Variants in INPP5D observed in about 807,000 individuals in gnomAD.
INPP5D encodes the protein phosphatidylinositol 3,4,5-trisphosphate 5-phosphatase 1.
A neutral mutation model predicts 122.9 loss-of-function variants in INPP5D; 33 were observed. That is an observed-to-expected ratio of 0.27 (90% CI 0.20 to 0.36). The LOEUF (loss-of-function observed/expected upper bound fraction) is 0.36. INPP5D is among the 10% of genes least tolerant of loss of function. INPP5D has a pLI of 1.00. For missense variants in INPP5D, 1,053 were observed against 1,412.7 expected, an observed-to-expected ratio of 0.75 and a Z score of 4.08; for synonymous variants, 584 against 576.2, an observed-to-expected ratio of 1.01 and a Z score of -0.19.
In INPP5D at chr2:233,160,142, GA is replaced by G. The variant is rs1694164752; in HGVS notation, c.1138-1581del. ...CCAACTCGAGGCAGGTTATAGTAAAGATGGTCATTATGACATCTTTGTGAGC... is the reference window on the plus strand; with the variant it reads ...CCAACTCGAGGCAGGTTATAGTAAAGTGGTCATTATGACATCTTTGTGAGC... On this transcript the variant is annotated intron_variant, in intron 10 of 26. Coordinates refer to ENST00000445964, the MANE Select transcript of INPP5D (RefSeq NM_001017915.3). This position sits in a 1 kb window ranked among gnomAD's most constrained non-coding sequence, Gnocchi z 4.2. Among the ~76,000 whole-genome samples the G allele has an allele frequency of 1.3e-5, 2 of 152,216 alleles. No homozygotes were observed. Among genetic ancestry groups the G allele is most frequent in the Admixed American group, 6.5e-5 (1 of 15,282 alleles).
rs1691720957 is a variant in INPP5D, at chr2:233,082,675, A to T, written c.198+3277A>T. On this transcript the variant is annotated intron_variant, in intron 2 of 26. Transcript: ENST00000445964. This position sits in a 1 kb window ranked among gnomAD's most constrained non-coding sequence, Gnocchi z 4.7. ...CATAGCCCATGACAGCCCTGTATCA[A>T]TCAGGGAGAGGAGCTGCCTCACCTG... is the stretch of plus-strand genomic sequence containing the variant. Among the ~76,000 whole-genome samples the T allele has an allele frequency of 6.6e-6, 1 of 152,160 alleles. No individual in the cohort carries two copies. Among genetic ancestry groups the T allele is most frequent in the East Asian group, 1.9e-4 (1 of 5,200 alleles).
At chr2:233,111,867 C>T (rs1292851334) in intron 2 of INPP5D, among the ~76,000 whole-genome samples, 1 of 152,032 alleles carries the variant, frequency 6.6e-6, no homozygotes, top group African/African-American at 2.4e-5. Flanking sequence ...TTTAGACCAG[C>T]CTGGGCAACA....
intron 2 of INPP5D, among the ~76,000 whole-genome samples, chr2:233,099,890 G>A (rs1281020031): frequency 6.6e-6 from 1 of 152,162 alleles, no homozygotes; most frequent in East Asian, 1.9e-4. Flanking sequence ...CCACGTGGCT[G>A]GGGAGGCCTT....
intron 1 of INPP5D, among the ~76,000 whole-genome samples, chr2:233,072,650 AT>A (rs1356697464): frequency 6.6e-6 from 1 of 152,182 alleles, no homozygotes; most frequent in Non-Finnish European, 1.5e-5. Context: ...TTAGTGTTGA[AT>A]TGGTCTTGTT....
intron 14 of INPP5D, chr2:233,169,771 TCTGCTGAGC>T: frequency 1.6e-6 from 1 of 623,444 alleles, no homozygotes; most frequent in Non-Finnish European, 2.7e-6. Context: ...GTTCTGATTC[TCTGCTGAGC>T]AGATGCTGCT....
Position 233,164,457 on chromosome 2 carries a change from C to A in INPP5D, c.1555+33C>A. On this transcript the variant is annotated intron_variant, in intron 13 of 26. Transcript: ENST00000445964. The surrounding 1 kb of genome is among the most constrained non-coding windows in gnomAD (Gnocchi z 4.3). Reference sequence around the variant, plus strand: ...GGGCGGGGACCCTGTGTTCCTCCCACACCCTCTGCCTCAACTCTCGCGACC... The same window carrying A: ...GGGCGGGGACCCTGTGTTCCTCCCAAACCCTCTGCCTCAACTCTCGCGACC... The A allele has an allele frequency of 6.6e-7, 1 of 1,517,882 alleles. No individual in the cohort carries two copies. The highest frequency in any genetic ancestry group is 1.2e-5 in the South Asian group (1 of 80,890). 94.0% of individuals were successfully genotyped at this position (1,517,882 alleles called of 1,614,324 possible).
In INPP5D at chr2:233,153,121, T is replaced by C. The variant is rs566535259; in HGVS notation, c.1031-5192T>C. On this transcript the variant is annotated intron_variant, in intron 9 of 26. Transcript: ENST00000445964. ...AACGGAACTTCTAGTGTTATTTCAC[T>C]GGGCGTGGGGAAGGTGGGGCGCTGA... Among the ~76,000 whole-genome samples the C allele has an allele frequency of 2.6e-5, 4 of 152,308 alleles. No homozygotes were observed. The East Asian group carries it at 7.7e-4, about 29-fold the overall frequency.
At chr2:233,116,221 ATATG>A (rs1321974273) in intron 2 of INPP5D, among the ~76,000 whole-genome samples, 1 of 144,330 alleles carries the variant, frequency 6.9e-6, no homozygotes, top group Non-Finnish European at 1.5e-5. Context: ...ATGTAGATAT[ATATG>A]TAGATAGATA....
At chr2:233,118,402 C>T (rs1251684117) in intron 2 of INPP5D, among the ~76,000 whole-genome samples, 2 of 152,196 alleles carry the variant, frequency 1.3e-5, no homozygotes, top group Non-Finnish European at 2.9e-5. Flanking sequence ...GACCACGCTC[C>T]CCACCCCTCC....
chr2:233,183,711 T>C lies in INPP5D; in HGVS notation c.2162-697T>C, dbSNP rs139217461. 2.1e-3 allele frequency among the ~76,000 whole-genome samples: 317 copies of C among 152,316 alleles called. 3 individuals are homozygous for C. Among genetic ancestry groups the C allele is most frequent in the Non-Finnish European group, 3.8e-3 (260 of 68,036 alleles). ...ACGGGGATTGAGCATTGACAGGGCA[T>C]CTACCTAAGCCAAGCCTGGACTGGG... On this transcript the variant is annotated intron_variant, in intron 19 of 26. Transcript: ENST00000445964. The surrounding 1 kb of genome is among the most constrained non-coding windows in gnomAD (Gnocchi z 4.6).
At position 233,128,865 on chromosome 2, in the gene INPP5D, T is replaced by C. The variant is rs1197310371; in HGVS notation, c.525-1643T>C. Among the ~76,000 whole-genome samples the C allele has an allele frequency of 6.6e-6, 1 of 152,170 alleles. No homozygotes were observed. Among genetic ancestry groups the C allele is most frequent in the African/African-American group, 2.4e-5 (1 of 41,436 alleles). ...TTGTGGCCTTTAGTTTCAATTTGAT[T>C]ACATATCAAGCCTGGAATAAAAATC... On this transcript the variant is annotated intron_variant, in intron 4 of 26. Coordinates refer to ENST00000445964, the MANE Select transcript of INPP5D (RefSeq NM_001017915.3). This position sits in a 1 kb window ranked among gnomAD's most constrained non-coding sequence, Gnocchi z 4.5.
rs753985243 is a variant in INPP5D at position 233,164,164 on chromosome 2, T to C, written c.1438-143T>C. 479 of 1,421,908 alleles carry C rather than the reference T, an allele frequency of 3.4e-4. No homozygotes were observed. The highest frequency in any genetic ancestry group is 4.0e-4 in the Non-Finnish European group (435 of 1,084,562). 88.1% of individuals were successfully genotyped at this position (1,421,908 alleles called of 1,614,324 possible). A position where few individuals can be genotyped will look rare whatever the true frequency, so the allele number is the denominator to read the frequency against. Reference sequence around the variant, plus strand: ...GATGTTTTGTCTCGCCTATCAAGCATCGCTGGGAGTCCCCCGAAGGGTTGG... The same window carrying C: ...GATGTTTTGTCTCGCCTATCAAGCACCGCTGGGAGTCCCCCGAAGGGTTGG... On this transcript the variant is annotated intron_variant, in intron 12 of 26. Coordinates refer to ENST00000445964, the MANE Select transcript of INPP5D (RefSeq NM_001017915.3). This position sits in a 1 kb window ranked among gnomAD's most constrained non-coding sequence, Gnocchi z 4.3.
intron 2 of INPP5D, among the ~76,000 whole-genome samples, chr2:233,083,619 C>A (rs1456810952): frequency 6.6e-6 from 1 of 152,206 alleles, no homozygotes. Context: ...TGACTCTCCC[C>A]TAAGAGAAGC....
chr2:233,173,713 C>T (rs905352877), intron 17 of INPP5D, among the ~76,000 whole-genome samples: 1 of 152,064 alleles, frequency 6.6e-6, no homozygotes, highest in African/African-American at 2.4e-5. Context: ...GGGTGAGTCA[C>T]CTGAGGTCAA....
chr2:233,101,442 TCAGA>T (rs1262056723), intron 2 of INPP5D, among the ~76,000 whole-genome samples: 3 of 151,726 alleles, frequency 2.0e-5, no homozygotes, highest in Non-Finnish European at 2.9e-5. Flanking sequence ...CTGTTAGGAG[TCAGA>T]CAGATTAATA....
chr2:233,178,163 G>T (rs1342382590), intron 18 of INPP5D, among the ~76,000 whole-genome samples: 1 of 152,160 alleles, frequency 6.6e-6, no homozygotes, highest in East Asian at 1.9e-4. Context: ...CAGGCACTGT[G>T]CCACGTACCT....
At chr2:233,120,210 G>A (rs150350404) in intron 2 of INPP5D, among the ~76,000 whole-genome samples, 74 of 152,338 alleles carry the variant, frequency 4.9e-4, no homozygotes, top group Middle Eastern at 6.8e-3. Context: ...GTTGCTGGGT[G>A]TGGTGGCTTA....
chr2:233,143,365 C>A (rs918799234), intron 6 of INPP5D, among the ~76,000 whole-genome samples: 5 of 152,120 alleles, frequency 3.3e-5, no homozygotes, highest in Non-Finnish European at 7.4e-5. Flanking sequence ...GGGCGGGGGA[C>A]CTGCAATTGC....
At chr2:233,091,640 G>C (rs895655356) in intron 2 of INPP5D, among the ~76,000 whole-genome samples, 1 of 152,162 alleles carries the variant, frequency 6.6e-6, no homozygotes, top group Admixed American at 6.6e-5. Flanking sequence ...ACGTAGATTG[G>C]GAACAGCTGA....
Sources: allele counts gnomAD v4.1 joint callset (sites outside exome capture counted in the v4.1 genomes callset), GRCh38; gene constraint gnomAD v4.1.1; non-coding constraint Gnocchi (gnomAD v3.1); transcripts MANE v1.5; gene names NCBI Gene and HGNC (gene_info 2026-07-23, HGNC 2026-07-21).